The following MED12L variants were observed in gnomAD, a reference collection of about 807,000 sequenced individuals.
MED12L encodes mediator complex subunit 12L, also known as mediator of RNA polymerase II transcription subunit 12-like protein.
A neutral mutation model predicts 281.3 loss-of-function variants in MED12L; 60 were observed. The ratio of observed to expected loss-of-function variants is 0.21; its 90% CI spans 0.17 to 0.26. The LOEUF is 0.26. Ranked by LOEUF, MED12L falls within the 10% of genes least tolerant of loss-of-function variation. The pLI, the probability that MED12L is intolerant of heterozygous loss-of-function variation, is 1.00. For synonymous variants in MED12L, 974 were observed against 987.2 expected (o/e 0.99, Z 0.25); for missense variants, 2,146 against 2,680.9 (o/e 0.80, Z 4.41).
intron 16 of MED12L, among the ~76,000 whole-genome samples, chr3:151,261,819 G>A (rs1364379639): frequency 6.6e-6 from 1 of 152,078 alleles, no homozygotes; most frequent in African/African-American, 2.4e-5. Context: ...CCACCTCCTG[G>A]GTTCAATACA....
intron 14 of MED12L, among the ~76,000 whole-genome samples, chr3:151,191,141 CTG>C (rs765003387): frequency 5.3e-5 from 8 of 152,128 alleles, no homozygotes; most frequent in Non-Finnish European, 1.0e-4. Context: ...TACTATAAAA[CTG>C]TAATGAAAAT....
intron 11 of MED12L, among the ~76,000 whole-genome samples, chr3:151,182,027 T>C (rs1181460544): frequency 6.6e-6 from 1 of 152,228 alleles, no homozygotes; most frequent in Non-Finnish European, 1.5e-5. Context: ...AAATTATTTT[T>C]TTTAATGAGG....
chr3:151,213,744 G>A lies in MED12L; in HGVS notation c.2250+20078G>A, dbSNP rs767636237. On this transcript the variant is annotated intron_variant, in intron 16 of 44. Coordinates refer to ENST00000687756, the MANE Select transcript of MED12L (RefSeq NM_001393769.1). ...GAAACACAATCCAGAAGATGGCCAC[G>A]AAGATGTAGTTTGATGCTTTGTGCC... 69 of 1,613,954 alleles carry A rather than the reference G, an allele frequency of 4.3e-5. 1 individual carries two copies. The highest frequency in any genetic ancestry group is 4.8e-5 in the Non-Finnish European group (57 of 1,179,952).
intron 16 of MED12L, among the ~76,000 whole-genome samples, chr3:151,283,802 CTA>C (rs1743116187): frequency 6.6e-6 from 1 of 152,230 alleles, no homozygotes. Context: ...AGAACAATGA[CTA>C]TGAATATTTT....
chr3:151,154,944 ACCGAAGTTTAACAACT>A (rs1560101150), intron 5 of MED12L, among the ~76,000 whole-genome samples: 1 of 152,240 alleles, frequency 6.6e-6, no homozygotes, highest in East Asian at 1.9e-4. Flanking sequence ...TTGGCTTGTT[ACCGAAGTTTAACAACT>A]CCAGCGTGCA....
chr3:151,201,221 A>ACTCTCTCT (rs199616990), intron 16 of MED12L, among the ~76,000 whole-genome samples: 5 of 148,994 alleles, frequency 3.4e-5, no homozygotes, highest in African/African-American at 1.3e-4. Context: ...CCACGTGCAC[A>ACTCTCTCT]CACTCTCTCT....
At chr3:151,247,469 G>T (rs1735820407) in intron 16 of MED12L, among the ~76,000 whole-genome samples, 1 of 151,526 alleles carries the variant, frequency 6.6e-6, no homozygotes, top group Non-Finnish European at 1.5e-5. Context: ...GTAGGGACAT[G>T]GATGAAATTG....
At chr3:151,213,818 C>T (rs1727627803) in intron 16 of MED12L, 1 of 1,614,160 alleles carries the variant, frequency 6.2e-7, no homozygotes, top group Non-Finnish European at 8.5e-7. Context: ...ATTTGTGTAA[C>T]CTCCCTAACA....
At chr3:151,341,283 C>T (rs1055786130) in intron 16 of MED12L, among the ~76,000 whole-genome samples, 2 of 152,076 alleles carry the variant, frequency 1.3e-5, no homozygotes, top group Non-Finnish European at 2.9e-5. Context: ...GAAACAGCTT[C>T]CTTCTATTAT....
chr3:151,374,943 A>G lies in MED12L; in HGVS notation c.3865-1083A>G, dbSNP rs532641182. Reference sequence around the variant, plus strand: ...TTTAAAAGTTCTCTTATAAAAAAAAAGTGACATACCTTATATATTATTTTG... The same window carrying G: ...TTTAAAAGTTCTCTTATAAAAAAAAGGTGACATACCTTATATATTATTTTG... On this transcript the variant is annotated intron_variant, in intron 27 of 44. Coordinates refer to ENST00000687756, the MANE Select transcript of MED12L (RefSeq NM_001393769.1). 6.4e-4 allele frequency among the ~76,000 whole-genome samples: 97 copies of G among 152,304 alleles called. 2 individuals carry two copies. In the South Asian group the frequency reaches 0.02, roughly 31 times the overall value.
chr3:151,411,334 G>A lies in MED12L; in HGVS notation c.5967G>A (p.Ser1989=), dbSNP rs145367423. The change falls in exon 41 of 45, where the codon TCG becomes TCA. Residue 1989 remains serine, a synonymous_variant. Coordinates refer to ENST00000687756, the MANE Select transcript of MED12L (RefSeq NM_001393769.1). ...CACAGATGCCTTTGCAGCAGACATCGCAGCAGCAGGCTGGCAGTGTGGTCC... is the reference window on the plus strand; with the variant it reads ...CACAGATGCCTTTGCAGCAGACATCACAGCAGCAGGCTGGCAGTGTGGTCC... ...YGTQMPLQQT[S]QQQAGSVVLS... 47 of 1,614,190 alleles carry A rather than the reference G, an allele frequency of 2.9e-5. No individual in the cohort carries two copies. The highest frequency in any genetic ancestry group is 2.8e-4 in the African/African-American group (21 of 75,036).
At chr3:151,093,572 T>A (rs1226434314) in intron 2 of MED12L, among the ~76,000 whole-genome samples, 1 of 152,246 alleles carries the variant, frequency 6.6e-6, no homozygotes, top group Non-Finnish European at 1.5e-5. Flanking sequence ...TACCTTTTGG[T>A]ACTAAACAGT....
intron 5 of MED12L, among the ~76,000 whole-genome samples, chr3:151,139,604 AGAG>A (rs1157401014): frequency 6.6e-6 from 1 of 152,174 alleles, no homozygotes; most frequent in Non-Finnish European, 1.5e-5. Context: ...TCAAGTTGTG[AGAG>A]GAGAATATTG....
intron 11 of MED12L, among the ~76,000 whole-genome samples, chr3:151,179,794 C>A (rs1722497400): frequency 6.6e-6 from 1 of 152,180 alleles, no homozygotes; most frequent in Non-Finnish European, 1.5e-5. Context: ...CATTAGCCTG[C>A]AGAAAAAATG....
chr3:151,380,362 G>C (rs1036186605), intron 32 of MED12L, 138 bp downstream of exon 32: 21 of 536,764 alleles, frequency 3.9e-5, no homozygotes, highest in Non-Finnish European at 6.6e-5. Context: ...TTTGGGAGGC[G>C]GAGGCTGGTG....
chr3:151,103,187 T>A (rs1721601940), intron 2 of MED12L, among the ~76,000 whole-genome samples: 1 of 152,244 alleles, frequency 6.6e-6, no homozygotes, highest in South Asian at 2.1e-4. Flanking sequence ...TAAGTCTGCT[T>A]TATGAATATG....
At chr3:151,377,544 C>A (rs1256029488) in intron 30 of MED12L, among the ~76,000 whole-genome samples, 1 of 152,092 alleles carries the variant, frequency 6.6e-6, no homozygotes, top group Admixed American at 6.6e-5. Flanking sequence ...GAATTAGAAC[C>A]AGTAGGCATA....
chr3:151,297,453 G>A (rs10513392), intron 16 of MED12L, among the ~76,000 whole-genome samples: 71,124 of 152,008 alleles, frequency 0.47, 16,727 homozygotes, highest in Middle Eastern at 0.64. Context: ...AGTTTAAATC[G>A]GAATAAAGGG....
intron 16 of MED12L, among the ~76,000 whole-genome samples, chr3:151,315,124 G>A (rs147814629): frequency 1.3e-5 from 2 of 152,226 alleles, no homozygotes; most frequent in Middle Eastern, 3.4e-3. Context: ...GATTTTCCAG[G>A]CTTTTCTTAT....
Sources: allele counts gnomAD v4.1 joint callset (sites outside exome capture counted in the v4.1 genomes callset), GRCh38; gene constraint gnomAD v4.1.1; transcripts MANE v1.5; gene names NCBI Gene and HGNC (gene_info 2026-07-23, HGNC 2026-07-21).